NCAPD3: variants seen among roughly 807,000 people sequenced by gnomAD.
NCAPD3 encodes the protein non-SMC condensin II complex subunit D3, also known as condensin-2 complex subunit D3.
In NCAPD3, 105 loss-of-function variants were observed where a neutral mutation model predicts 182.9. The observed-to-expected ratio is 0.57, with a 90% CI of 0.49 to 0.68. The LOEUF (loss-of-function observed/expected upper bound fraction) is 0.68, where lower values mean the gene tolerates loss of function less well. NCAPD3 is among the 30% of genes least tolerant of loss of function. The probability of loss-of-function intolerance (pLI) is 0.00; values close to 1 mark genes in which losing one functional copy is unlikely to be tolerated. For synonymous variants in NCAPD3, 815 were observed against 679.9 expected (o/e 1.20, Z -3.09); for missense variants, 1,944 against 1,837.0 (o/e 1.06, Z -1.07).
In NCAPD3 at chr11:134,152,662, CTGAA is replaced by C. The variant is rs554660237; in HGVS notation, c.*278_*281del. On this transcript the variant is annotated 3_prime_UTR_variant, in exon 35 of 35. Coordinates refer to ENST00000534548, the MANE Select transcript of NCAPD3 (RefSeq NM_015261.3). Reference sequence around the variant, plus strand: ...CCTTAAAGACCAGATTATAGCTTATCTGAATGGGCTTGACACTTTCAAATGGAAT... The same window carrying C: ...CCTTAAAGACCAGATTATAGCTTATCTGGGCTTGACACTTTCAAATGGAAT... 88 of 304,222 alleles carry C rather than the reference CTGAA, an allele frequency of 2.9e-4. No individual in the cohort carries two copies. Among genetic ancestry groups the C allele is most frequent in the African/African-American group, 1.7e-3 (78 of 46,680 alleles). 18.8% of individuals were successfully genotyped at this position (304,222 alleles called of 1,614,324 possible).
upstream of NCAPD3, chr11:134,224,149 G>A (rs561983157): frequency 1.2e-4 from 72 of 605,580 alleles, 1 homozygote; most frequent in South Asian, 1.4e-3. Context: ...AGGCTCCTGC[G>A]GGTGTTCCGC....
In NCAPD3 at chr11:134,223,848, G is replaced by A. The variant is rs770015122; in HGVS notation, c.64+15C>T. On this transcript the variant is annotated intron_variant, in intron 1 of 34. Coordinates refer to ENST00000534548, the MANE Select transcript of NCAPD3 (RefSeq NM_015261.3). ...CTCGCCCTGGCCCCCGGGCCTCCCG[G>A]CTGCATCTGCTCACCGAGTCTAAGA... 5.6e-6 allele frequency: 9 copies of A among 1,611,360 alleles called. No individual in the cohort carries two copies. Among genetic ancestry groups the A allele is most frequent in the African/African-American group, 1.3e-5 (1 of 75,038 alleles).
At chr11:134,176,758 C>T (rs1009963759) in intron 23 of NCAPD3, among the ~76,000 whole-genome samples, 6 of 152,218 alleles carry the variant, frequency 3.9e-5, no homozygotes, top group African/African-American at 1.4e-4. Flanking sequence ...ATAAAAATAT[C>T]TAACGCTCTG....
intron 27 of NCAPD3, 43 bp downstream of exon 27, chr11:134,167,953 A>T (rs775190623): frequency 6.3e-7 from 1 of 1,579,574 alleles, no homozygotes; most frequent in East Asian, 2.2e-5. Flanking sequence ...GGAGCAGCAC[A>T]CTCACTTGTG....
At chr11:134,211,384 A>G (rs2136021898) in intron 3 of NCAPD3, among the ~76,000 whole-genome samples, 1 of 152,338 alleles carries the variant, frequency 6.6e-6, no homozygotes, top group South Asian at 2.1e-4. Context: ...GCAGTGGCTC[A>G]TGCCTGTAAT....
intron 3 of NCAPD3, 40 bp downstream of exon 3, chr11:134,216,896 A>C: frequency 6.5e-7 from 1 of 1,541,676 alleles, no homozygotes; most frequent in Middle Eastern, 2.4e-4. Context: ...GAAAGAAAAA[A>C]ATGACAGAAG....
At chr11:134,156,704 C>T (rs930910525) in intron 32 of NCAPD3, among the ~76,000 whole-genome samples, 5 of 152,156 alleles carry the variant, frequency 3.3e-5, no homozygotes, top group African/African-American at 4.8e-5. Flanking sequence ...CCCAGAGACA[C>T]GGAGGGCCGC....
At chr11:134,164,026 G>A (rs1223544712) in intron 27 of NCAPD3, among the ~76,000 whole-genome samples, 1 of 152,170 alleles carries the variant, frequency 6.6e-6, no homozygotes, top group East Asian at 1.9e-4. Context: ...TAGAGAGATA[G>A]ATTGGTAAGA....
At chr11:134,163,323 C>T (rs375198901) in intron 27 of NCAPD3, among the ~76,000 whole-genome samples, 1 of 152,278 alleles carries the variant, frequency 6.6e-6, no homozygotes. Context: ...CCATCTATCA[C>T]CCAAAAGCTT....
At position 134,157,021 on chromosome 11, in the gene NCAPD3, C is replaced by T. The variant is rs768568029; in HGVS notation, c.4249G>A (p.Glu1417Lys). The change falls in exon 32 of 35, where the codon GAG (glutamate) becomes AAG (lysine). Residue 1417 changes from glutamate (E) to lysine (K), a missense_variant. This residue lies in a region of NCAPD3 where 1,803 missense variants were observed against 1,674.6 expected (regional missense o/e 1.08). Transcript: ENST00000534548. ...HVTKRAISTP[E>K]KSISDVTFGA... The stretch of plus-strand genomic sequence containing the variant: ...CGTGTTCCGATCAGTTACTCACTCT[C>T]GGGGGTGCTGATGGCCCGCTTGGTC... The T allele has an allele frequency of 9.3e-6, 15 of 1,611,788 alleles. No individual in the cohort carries two copies. Among genetic ancestry groups the T allele is most frequent in the South Asian group, 6.6e-5 (6 of 90,948 alleles).
intron 13 of NCAPD3, among the ~76,000 whole-genome samples, chr11:134,199,723 G>A (rs1944708552): frequency 6.6e-6 from 1 of 152,126 alleles, no homozygotes; most frequent in Admixed American, 6.5e-5. Flanking sequence ...GATCTCTCCC[G>A]CATAACACGC....
intron 27 of NCAPD3, among the ~76,000 whole-genome samples, chr11:134,163,877 A>AAG (rs2120602146): frequency 7.5e-6 from 1 of 133,154 alleles, no homozygotes; most frequent in African/African-American, 2.7e-5. Context: ...GTCTCAAAAA[A>AAG]AAAAAAAAAA....
intron 13 of NCAPD3, among the ~76,000 whole-genome samples, chr11:134,196,645 CAAAAAAAA>C (rs998502328): frequency 1.7e-5 from 1 of 57,886 alleles, no homozygotes; most frequent in African/African-American, 7.2e-5. Context: ...AACTCCATCT[CAAAAAAAA>C]AAAAAAAAAG....
At position 134,213,628 on chromosome 11, in the gene NCAPD3, T is replaced by TAA. The variant is rs1010706712; in HGVS notation, c.383-3176_383-3175dup. The stretch of plus-strand genomic sequence containing the variant: ...CCACCGTGTGTGGCCTCGTCTCTCT[T>TAA]AAAAAAAAAAAAAAGAAAAAGAAAA... On this transcript the variant is annotated intron_variant, in intron 3 of 34. Coordinates refer to ENST00000534548, the MANE Select transcript of NCAPD3 (RefSeq NM_015261.3). Among the ~76,000 whole-genome samples the TAA allele has an allele frequency of 4.4e-3, 585 of 133,324 alleles. 4 individuals are homozygous for TAA. Among genetic ancestry groups the TAA allele is most frequent in the African/African-American group, 0.015 (561 of 36,466 alleles). 87.5% of individuals were successfully genotyped at this position (133,324 alleles called of 152,430 possible).
intron 13 of NCAPD3, among the ~76,000 whole-genome samples, chr11:134,201,986 G>C (rs193160445): frequency 1.6e-3 from 250 of 152,280 alleles, no homozygotes; most frequent in Middle Eastern, 3.4e-3. Context: ...ACCTATCTCA[G>C]TGTTCCGCAT....
In NCAPD3 at chr11:134,217,111, C is replaced by G; in HGVS notation, c.220-13G>C. 1 of 1,552,528 alleles carries G rather than the reference C, an allele frequency of 6.4e-7. No individual in the cohort carries two copies. Among genetic ancestry groups the G allele is most frequent in the Non-Finnish European group, 8.7e-7 (1 of 1,151,950 alleles). ...AGGTCCAGATACTCTGTGGGGAGAC[C>G]GCAAATCACAAAAGCCAGTCATTAG... On this transcript the variant is annotated splice_polypyrimidine_tract_variant and intron_variant, in intron 2 of 34. Transcript: ENST00000534548.
chr11:134,153,963 A>AC (rs1470823604), intron 32 of NCAPD3: 1 of 149,732 alleles, frequency 6.7e-6, no homozygotes, highest in Non-Finnish European at 1.5e-5. Context: ...CCCGCAATGA[A>AC]CCCCCTCCAG....
intron 19 of NCAPD3, among the ~76,000 whole-genome samples, chr11:134,181,445 A>G (rs1001823117): frequency 6.6e-6 from 1 of 152,326 alleles, no homozygotes; most frequent in East Asian, 1.9e-4. Context: ...ATAAGAGCAA[A>G]AGGCCAAATA....
At chr11:134,163,932 A>T (rs1012910576) in intron 27 of NCAPD3, among the ~76,000 whole-genome samples, 1 of 151,930 alleles carries the variant, frequency 6.6e-6, no homozygotes, top group African/African-American at 2.4e-5. Flanking sequence ...AAGGTGGTAC[A>T]TGGCCTGTGA....
Sources: gnomAD v4.1 joint callset for allele counts (sites outside exome capture counted in the v4.1 genomes callset) on GRCh38, gnomAD v4.1.1 for gene constraint, gnomAD v4.1.1 regional missense constraint, MANE v1.5 for transcripts, NCBI Gene and HGNC (gene_info 2026-07-23, HGNC 2026-07-21) for gene names.